DNAH10: variants seen among roughly 807,000 people sequenced by gnomAD.
DNAH10 encodes axonemal beta dynein heavy chain 10.
DNAH10 carries 348 observed loss-of-function variants against 506.6 expected under a neutral mutation model. The observed-to-expected ratio is 0.69, with a 90% confidence interval of 0.63 to 0.75. The LOEUF is 0.75. DNAH10 is among the 30% of genes least tolerant of loss of function. The pLI, the probability that DNAH10 is intolerant of heterozygous loss-of-function variation, is 0.00. For synonymous variants in DNAH10, 2,059 were observed against 2,198.6 expected (o/e 0.94, Z 1.78); for missense variants, 5,179 against 5,787.1 (o/e 0.89, Z 3.41).
intron 41 of DNAH10, among the ~76,000 whole-genome samples, chr12:123,866,464 C>T (rs981461853): frequency 2.6e-5 from 4 of 151,514 alleles, no homozygotes; most frequent in Non-Finnish European, 3.0e-5. Context: ...AGGATGGTCT[C>T]GATCTCTTGA....
Position 123,932,082 on chromosome 12 carries a change from C to T in DNAH10, c.13270C>T (p.Arg4424Trp), listed in dbSNP as rs758717755. 25 of 1,613,860 alleles carry T rather than the reference C, an allele frequency of 1.5e-5. No homozygotes were observed. In the Admixed American group the frequency reaches 2.7e-4, roughly 17 times the overall value. Residue 4424 changes from arginine to tryptophan, a missense_variant, in exon 76 of 79, where the codon CGG becomes TGG. Physicochemically the swap from Arg to Trp is moderately radical, Grantham distance 101 (BLOSUM62 -3). Coordinates refer to ENST00000673944, the MANE Select transcript of DNAH10 (RefSeq NM_001372106.1). ...TGGAAACTGGATGGTCTACTTCCTG[C>T]GGCGGTTCAGCCAGTACATGTTGTG... ...SLGNWMVYFL[R>W]RFSQYMLWVT...
At chr12:123,799,494 A>T in intron 14 of DNAH10, 123 bp downstream of exon 14, 1 of 1,353,536 alleles carries the variant, frequency 7.4e-7, no homozygotes, top group East Asian at 2.4e-5. Flanking sequence ...AAAGACAAGG[A>T]AGGGCTAGGG....
At position 123,917,596 on chromosome 12, in the gene DNAH10, G is replaced by A; in HGVS notation, c.11015G>A (p.Gly3672Asp). 6.4e-7 allele frequency: 1 copy of A among 1,551,376 alleles called. No individual in the cohort carries two copies. The highest frequency in any genetic ancestry group is 8.7e-7 in the Non-Finnish European group (1 of 1,147,018). ...MVINYTVTLK[G>D]LEDQLLSVLV... The stretch of plus-strand genomic sequence containing the variant: ...CTGTCCCCCACAGTCACGCTGAAGG[G>A]CCTGGAGGACCAGCTGCTGAGCGTG... Residue 3672 changes from glycine to aspartate, a missense_variant, in exon 64 of 79, where the codon GGC becomes GAC. Gly to Asp is a moderately conservative substitution (Grantham distance 94). Around this residue, in one of 3 missense-constraint regions of DNAH10, gnomAD observed 4,844 missense variants for 5,430.5 expected, o/e 0.89. Transcript: ENST00000673944. This position sits in a 1 kb window ranked among gnomAD's most constrained non-coding sequence, Gnocchi z 5.6.
chr12:123,820,479 A>C (rs1160423109), intron 23 of DNAH10, 101 bp from the exon 24 acceptor site: 1 of 1,228,052 alleles, frequency 8.1e-7, no homozygotes, highest in Non-Finnish European at 1.1e-6. Context: ...GTGGTTTATG[A>C]GGATGAAATT....
Position 123,919,130 on chromosome 12 carries a change from C to T in DNAH10, c.11506+181C>T. On this transcript the variant is annotated intron_variant, in intron 65 of 78. Transcript: ENST00000673944. This position sits in a 1 kb window ranked among gnomAD's most constrained non-coding sequence, Gnocchi z 4.9. ...TTGCTCCATCACCCAGGCTGGAATGCAGTGGTGCGATCACGGCTCACTGCA... is the reference window on the plus strand; with the variant it reads ...TTGCTCCATCACCCAGGCTGGAATGTAGTGGTGCGATCACGGCTCACTGCA... The T allele has an allele frequency of 1.3e-6, 1 of 758,730 alleles. No individual in the cohort carries two copies. Among genetic ancestry groups the T allele is most frequent in the Non-Finnish European group, 2.0e-6 (1 of 505,640 alleles). The allele number at this position is 758,730 out of a possible 1,614,324, so 47.0% of individuals were successfully genotyped here.
At chr12:123,895,781 T>C (rs536735398) in intron 54 of DNAH10, among the ~76,000 whole-genome samples, 11 of 152,274 alleles carry the variant, frequency 7.2e-5, no homozygotes, top group African/African-American at 2.2e-4. Flanking sequence ...TAAATAATGC[T>C]GCCTAGAATT....
intron 25 of DNAH10, among the ~76,000 whole-genome samples, chr12:123,827,209 C>T (rs1264222836): frequency 6.6e-6 from 1 of 152,134 alleles, no homozygotes; most frequent in Admixed American, 6.5e-5. Flanking sequence ...CAGCAGACAT[C>T]AAACGGAACT....
rs11057395 is a variant in DNAH10, at chr12:123,925,304, G to C, written c.11921+100G>C. The C allele has an allele frequency of 1.3e-6, 2 of 1,528,352 alleles. No individual in the cohort carries two copies. Among genetic ancestry groups the C allele is most frequent in the Non-Finnish European group, 1.8e-6 (2 of 1,118,574 alleles). 94.7% of individuals were successfully genotyped at this position (1,528,352 alleles called of 1,614,324 possible). The stretch of plus-strand genomic sequence containing the variant: ...AGAAAGCAGAGGCTGACCAGCTCCC[G>C]AGACAGCTGTCGCCACCCTGCTGTA... On this transcript the variant is annotated intron_variant, in intron 68 of 78. Coordinates refer to ENST00000673944, the MANE Select transcript of DNAH10 (RefSeq NM_001372106.1). The surrounding 1 kb of genome is among the most constrained non-coding windows in gnomAD (Gnocchi z 4.0).
Position 123,826,691 on chromosome 12 carries a change from CA to C in DNAH10, c.4188del (p.Glu1397LysfsTer11), listed in dbSNP as rs1565954396. 6.2e-7 allele frequency: 1 copy of C among 1,612,640 alleles called. No homozygotes were observed. The highest frequency in any genetic ancestry group is 2.2e-5 in the East Asian group (1 of 44,856). ...IYELYEGLKV[A>X]KEEWSQTLWI... ...CTGTTCCTTGCACGTTTCCAGGTTG[CA>C]AAAGAAGAATGGTCTCAGACCCTTT... On this transcript the variant is annotated frameshift_variant, in exon 25 of 79. Coordinates refer to ENST00000673944, the MANE Select transcript of DNAH10 (RefSeq NM_001372106.1). LOFTEE classifies it high-confidence loss of function.
chr12:123,928,103 T>A lies in DNAH10; in HGVS notation c.12106-284T>A, dbSNP rs1296927541. 1.8e-6 allele frequency: 1 copy of A among 547,782 alleles called. No individual in the cohort carries two copies. The highest frequency in any genetic ancestry group is 2.1e-5 in the South Asian group (1 of 46,628). 33.9% of individuals were successfully genotyped at this position (547,782 alleles called of 1,614,324 possible). On this transcript the variant is annotated intron_variant, in intron 69 of 78. Coordinates refer to ENST00000673944, the MANE Select transcript of DNAH10 (RefSeq NM_001372106.1). The surrounding 1 kb of genome is among the most constrained non-coding windows in gnomAD (Gnocchi z 4.9). ...AGTCCTCAGGGGACAGGAGCGACTGTGTGGGAGGAGCTGGGACTTCCAGGG... is the reference window on the plus strand; with the variant it reads ...AGTCCTCAGGGGACAGGAGCGACTGAGTGGGAGGAGCTGGGACTTCCAGGG...
intron 25 of DNAH10, among the ~76,000 whole-genome samples, chr12:123,827,839 T>G (rs1960148513): frequency 6.6e-6 from 1 of 152,202 alleles, no homozygotes; most frequent in South Asian, 2.1e-4. Context: ...CAGGCCCTGG[T>G]GACGTGGAGT....
At chr12:123,908,203 C>A in intron 57 of DNAH10, 1 of 340,240 alleles carries the variant, frequency 2.9e-6, no homozygotes, top group Non-Finnish European at 5.8e-6. Context: ...TCTCTCTGTC[C>A]CCTCCCTGTC....
In DNAH10 at chr12:123,928,777, TTTGTG is replaced by T; in HGVS notation, c.12306+191_12306+195del. On this transcript the variant is annotated intron_variant, in intron 70 of 78. Transcript: ENST00000673944. The surrounding 1 kb of genome is among the most constrained non-coding windows in gnomAD (Gnocchi z 4.9). Reference sequence around the variant, plus strand: ...GGGAGCCGCTGTCCTGGGTTGGGTGTTTGTGACTCCCAGGCCTATCTCTACCAATT... The same window carrying T: ...GGGAGCCGCTGTCCTGGGTTGGGTGTACTCCCAGGCCTATCTCTACCAATT... 1.5e-6 allele frequency: 1 copy of T among 649,720 alleles called. No individual in the cohort carries two copies. Among genetic ancestry groups the T allele is most frequent in the Non-Finnish European group, 2.6e-6 (1 of 384,414 alleles). The allele number at this position is 649,720 out of a possible 1,614,324, so 40.2% of individuals were successfully genotyped here. A position where few individuals can be genotyped will look rare whatever the true frequency, so the allele number is the denominator to read the frequency against.
At chr12:123,879,598 T>C in intron 49 of DNAH10, 36 bp from the exon 50 acceptor site, 1 of 1,612,562 alleles carries the variant, frequency 6.2e-7, no homozygotes, top group Non-Finnish European at 8.5e-7. Context: ...TGTACTGTTG[T>C]TGAGTTTGGG....
Position 123,935,317 on chromosome 12 carries a change from C to T in DNAH10, c.13624-18C>T, listed in dbSNP as rs200576214. The stretch of plus-strand genomic sequence containing the variant: ...ACCCTCTCTCCGTGGGGGCATCTCA[C>T]CTGCCTTTCCCTTGCAGAATACTTT... On this transcript the variant is annotated intron_variant, in intron 78 of 78. Transcript: ENST00000673944. 56 of 1,594,802 alleles carry T rather than the reference C, an allele frequency of 3.5e-5. No homozygotes were observed. In the African/African-American group the frequency reaches 4.4e-4, roughly 13 times the overall value.
chr12:123,879,382 C>G lies in DNAH10; in HGVS notation c.8466+25C>G, dbSNP rs750542342. On this transcript the variant is annotated intron_variant, in intron 49 of 78. Coordinates refer to ENST00000673944, the MANE Select transcript of DNAH10 (RefSeq NM_001372106.1). ...GGTCAGTACATCCAATGCTTCTTCTCAGGAAATTCTTCTCAGGAAAATAAA... is the reference window on the plus strand; with the variant it reads ...GGTCAGTACATCCAATGCTTCTTCTGAGGAAATTCTTCTCAGGAAAATAAA... 1.1e-5 allele frequency: 17 copies of G among 1,547,828 alleles called. 1 individual carries two copies. In the South Asian group the frequency reaches 2.0e-4, roughly 19 times the overall value.
intron 19 of DNAH10, among the ~76,000 whole-genome samples, chr12:123,812,319 TG>T (rs1958971735): frequency 6.6e-6 from 1 of 151,680 alleles, no homozygotes. Context: ...GATGTGGGGG[TG>T]GGTGCCTATA....
intron 16 of DNAH10, among the ~76,000 whole-genome samples, chr12:123,802,493 A>G (rs1958512609): frequency 6.6e-6 from 1 of 152,078 alleles, no homozygotes; most frequent in Non-Finnish European, 1.5e-5. Context: ...TTTAGTAGAG[A>G]TGGGGTTTTG....
rs530250513 is a variant in DNAH10, at chr12:123,785,572, G to C, written c.1231-174G>C. 6.6e-6 allele frequency among the ~76,000 whole-genome samples: 1 copy of C among 151,196 alleles called. No homozygotes were observed. The highest frequency in any genetic ancestry group is 1.5e-5 in the Non-Finnish European group (1 of 67,950). On this transcript the variant is annotated intron_variant, in intron 8 of 78. Coordinates refer to ENST00000673944, the MANE Select transcript of DNAH10 (RefSeq NM_001372106.1). This position sits in a 1 kb window ranked among gnomAD's most constrained non-coding sequence, Gnocchi z 4.1. ...GATCACTTGAGTCCGCAGGGGAGTC[G>C]AGGCTGCAGTAAGCCATGTTTGTGC...
Sources: gnomAD v4.1 joint callset for allele counts (sites outside exome capture counted in the v4.1 genomes callset) on GRCh38, gnomAD v4.1.1 for gene constraint, gnomAD v4.1.1 regional missense constraint, Gnocchi (gnomAD v3.1) non-coding constraint, MANE v1.5 for transcripts, NCBI Gene and HGNC (gene_info 2026-07-23, HGNC 2026-07-21) for gene names.